Variants in RNF185 observed in about 807,000 individuals in gnomAD.
RNF185 encodes the protein ring finger protein 185, also known as E3 ubiquitin-protein ligase RNF185.
RNF185 carries 13 observed loss-of-function variants against 24.9 expected under a neutral mutation model. That is an observed-to-expected ratio of 0.52 (90% CI 0.34 to 0.83). The LOEUF is 0.83. Ranked by LOEUF, RNF185 falls within the 40% of genes least tolerant of loss-of-function variation. RNF185 has a pLI of 0.01. For missense variants in RNF185, 184 were observed against 244.7 expected (o/e 0.75, Z 1.65); for synonymous variants, 79 against 90.3 (o/e 0.88, Z 0.71).
At chr22:31,198,657 C>T (rs2048231076) in intron 5 of RNF185, among the ~76,000 whole-genome samples, 1 of 149,984 alleles carries the variant, frequency 6.7e-6, no homozygotes. Flanking sequence ...CCTTGGCCTC[C>T]CAAAGTGCTG....
At chr22:31,174,113 A>G (rs2047958365) in intron 1 of RNF185, among the ~76,000 whole-genome samples, 1 of 152,188 alleles carries the variant, frequency 6.6e-6, no homozygotes, top group Non-Finnish European at 1.5e-5. Flanking sequence ...TTTTATCTCT[A>G]TTTCTTAGAA....
chr22:31,193,897 ATTTT>A (rs113727137), intron 3 of RNF185, among the ~76,000 whole-genome samples: 1 of 143,554 alleles, frequency 7.0e-6, no homozygotes, highest in African/African-American at 2.6e-5. Context: ...AAGAAAATTA[ATTTT>A]TTTTTTTTTT....
At chr22:31,179,149 T>C (rs1602809255) in intron 1 of RNF185, among the ~76,000 whole-genome samples, 2 of 152,320 alleles carry the variant, frequency 1.3e-5, no homozygotes, top group South Asian at 4.1e-4. Flanking sequence ...AAGGTTGCTC[T>C]GTGGTTAGGT....
intron 6 of RNF185, among the ~76,000 whole-genome samples, chr22:31,203,168 T>G (rs1294922417): frequency 2.0e-5 from 3 of 151,510 alleles, no homozygotes; most frequent in Admixed American, 2.0e-4. Flanking sequence ...CCTGCCACAG[T>G]CACAGTTTTC....
chr22:31,204,740 A>T lies in RNF185; in HGVS notation c.*154A>T. 1.7e-6 allele frequency: 1 copy of T among 601,236 alleles called. No individual in the cohort carries two copies. Among genetic ancestry groups the T allele is most frequent in the Non-Finnish European group, 3.0e-6 (1 of 332,926 alleles). 37.2% of individuals were successfully genotyped at this position (601,236 alleles called of 1,614,324 possible). On this transcript the variant is annotated 3_prime_UTR_variant, in exon 7 of 7. Coordinates refer to ENST00000326132, the MANE Select transcript of RNF185 (RefSeq NM_152267.4). Reference sequence around the variant, plus strand: ...CTTGTTTCTTCATCAGAGCTTTGGAACTCGAGACCAGTTGGCGATGACCCC... The same window carrying T: ...CTTGTTTCTTCATCAGAGCTTTGGATCTCGAGACCAGTTGGCGATGACCCC...
intron 3 of RNF185, among the ~76,000 whole-genome samples, chr22:31,194,391 T>G (rs553345742): frequency 6.6e-6 from 1 of 152,312 alleles, no homozygotes; most frequent in Admixed American, 6.5e-5. Context: ...GCTTATCTCC[T>G]GATTCTGATG....
chr22:31,168,655 G>C (rs1011577930), intron 1 of RNF185, among the ~76,000 whole-genome samples: 1 of 152,154 alleles, frequency 6.6e-6, no homozygotes, highest in Non-Finnish European at 1.5e-5. Flanking sequence ...GTTTTCCACA[G>C]CAGCTGTACC....
chr22:31,196,586 T>A (rs2048207815), intron 4 of RNF185, among the ~76,000 whole-genome samples: 1 of 152,144 alleles, frequency 6.6e-6, no homozygotes, highest in African/African-American at 2.4e-5. Flanking sequence ...CACCCTCTGT[T>A]CCAGTATGGA....
chr22:31,172,048 A>G (rs974185500), intron 1 of RNF185, among the ~76,000 whole-genome samples: 8 of 152,240 alleles, frequency 5.3e-5, no homozygotes, highest in Middle Eastern at 3.2e-3. Context: ...TTTCTACTTA[A>G]TTGGTTAGAT....
chr22:31,175,083 A>G (rs1325613357), intron 1 of RNF185, among the ~76,000 whole-genome samples: 1 of 151,624 alleles, frequency 6.6e-6, no homozygotes, highest in Non-Finnish European at 1.5e-5. Flanking sequence ...AATTAAAAAA[A>G]AAAAAAAAAA....
intron 1 of RNF185, among the ~76,000 whole-genome samples, chr22:31,174,123 A>G (rs1459186693): frequency 6.6e-6 from 1 of 152,216 alleles, no homozygotes; most frequent in African/African-American, 2.4e-5. Context: ...ATTTCTTAGA[A>G]CTGTCTTGTG....
At chr22:31,174,246 A>C (rs1025402712) in intron 1 of RNF185, among the ~76,000 whole-genome samples, 2 of 152,236 alleles carry the variant, frequency 1.3e-5, no homozygotes, top group Non-Finnish European at 2.9e-5. Context: ...CTCAGCCATC[A>C]CATTCCTCTG....
At chr22:31,171,040 A>G (rs1180098252) in intron 1 of RNF185, among the ~76,000 whole-genome samples, 1 of 152,048 alleles carries the variant, frequency 6.6e-6, no homozygotes, top group Non-Finnish European at 1.5e-5. Flanking sequence ...TTTTCTTAAC[A>G]CTATCATCTC....
intron 1 of RNF185, among the ~76,000 whole-genome samples, chr22:31,172,451 T>C (rs1352747642): frequency 6.9e-6 from 1 of 145,514 alleles, no homozygotes; most frequent in African/African-American, 2.6e-5. Context: ...TTCATACTTA[T>C]TTAAAATAAC....
intron 1 of RNF185, among the ~76,000 whole-genome samples, chr22:31,178,555 T>C (rs1391068149): frequency 1.3e-5 from 2 of 152,174 alleles, no homozygotes; most frequent in Non-Finnish European, 2.9e-5. Flanking sequence ...GATGCTTTGT[T>C]TAAGAAAAAC....
chr22:31,167,267 A>C (rs1923984501), intron 1 of RNF185, among the ~76,000 whole-genome samples: 1 of 152,134 alleles, frequency 6.6e-6, no homozygotes. Flanking sequence ...TCTGAGGCTC[A>C]AGCAATCCTC....
intron 2 of RNF185, among the ~76,000 whole-genome samples, chr22:31,189,159 G>A (rs1026446009): frequency 6.8e-6 from 1 of 147,910 alleles, no homozygotes; most frequent in South Asian, 2.1e-4. Context: ...GTGTGTGTGT[G>A]TGTGTTTGTG....
At chr22:31,196,044 A>G (rs1394971768) in intron 4 of RNF185, among the ~76,000 whole-genome samples, 1 of 152,140 alleles carries the variant, frequency 6.6e-6, no homozygotes, top group Non-Finnish European at 1.5e-5. Flanking sequence ...TCTCCAGAAG[A>G]ATCTCTTACC....
chr22:31,186,526 T>C (rs1206975843), intron 1 of RNF185, among the ~76,000 whole-genome samples: 13 of 152,032 alleles, frequency 8.6e-5, no homozygotes. Flanking sequence ...CACTTGAACC[T>C]GGGAGGCAGA....
Sources: gnomAD v4.1 joint callset for allele counts (sites outside exome capture counted in the v4.1 genomes callset) on GRCh38, gnomAD v4.1.1 for gene constraint, MANE v1.5 for transcripts, NCBI Gene and HGNC (gene_info 2026-07-23, HGNC 2026-07-21) for gene names.